Variants in ANKRD33B observed in about 807,000 individuals in gnomAD.
The protein encoded by ANKRD33B is ankyrin repeat domain 33B, also known as ankyrin repeat domain-containing protein 33B.
A neutral mutation model predicts 21.5 loss-of-function variants in ANKRD33B; 6 were observed. The observed-to-expected ratio is 0.28, with a 90% CI of 0.15 to 0.55. ANKRD33B has a LOEUF of 0.55. Among genes scored for constraint, ANKRD33B ranks in the 20% least tolerant of loss-of-function variants. The probability of loss-of-function intolerance (pLI) is 0.94; values close to 1 mark genes in which losing one functional copy is unlikely to be tolerated. For synonymous variants in ANKRD33B, 347 were observed against 342.4 expected (o/e 1.01, Z -0.15); for missense variants, 698 against 747.2 (o/e 0.93, Z 0.77).
At chr5:10,577,545 C>G (rs1438130213) in intron 1 of ANKRD33B, among the ~76,000 whole-genome samples, 1 of 152,202 alleles carries the variant, frequency 6.6e-6, no homozygotes, top group African/African-American at 2.4e-5. Flanking sequence ...TGGTGGATTC[C>G]TGGGTTCTCC....
chr5:10,640,842 G>A lies in ANKRD33B; in HGVS notation c.637+2674G>A, dbSNP rs575176986. 2.2e-4 allele frequency among the ~76,000 whole-genome samples: 34 copies of A among 152,272 alleles called. No homozygotes were observed. In the East Asian group the frequency reaches 4.1e-3, roughly 18 times the overall value. The stretch of plus-strand genomic sequence containing the variant: ...CTGAGAAGTCCAAGATCAAGGTGCC[G>A]GCAGGTTCGATGTCTGCTGATGCCC... On this transcript the variant is annotated intron_variant, in intron 3 of 3. Transcript: ENST00000296657.
intron 2 of ANKRD33B, among the ~76,000 whole-genome samples, chr5:10,623,448 T>C (rs1736469594): frequency 6.6e-6 from 1 of 152,216 alleles, no homozygotes; most frequent in African/African-American, 2.4e-5. Context: ...CTGCTTAGGC[T>C]GTGATAAAGG....
chr5:10,649,327 C>T lies in ANKRD33B; in HGVS notation c.699C>T (p.Tyr233=). The T allele has an allele frequency of 6.5e-7, 1 of 1,534,434 alleles. No homozygotes were observed. The highest frequency in any genetic ancestry group is 8.7e-7 in the Non-Finnish European group (1 of 1,146,382). ...RGMSPQEWAT[Y]TGRVDAVRLM... is the part of the protein sequence containing the mutation. ...TGTCGCCGCAGGAGTGGGCCACTTA[C>T]ACGGGCCGCGTGGATGCCGTCCGTC... The change falls in exon 4 of 4, where the codon TAC becomes TAT. Residue 233 remains tyrosine, a synonymous_variant. Transcript: ENST00000296657.
chr5:10,587,412 A>G (rs1421147470), intron 1 of ANKRD33B, among the ~76,000 whole-genome samples: 1 of 152,098 alleles, frequency 6.6e-6, no homozygotes, highest in African/African-American at 2.4e-5. Flanking sequence ...GATTTTAGTG[A>G]TGTTAAAGAT....
chr5:10,603,526 G>A (rs1735976871), intron 1 of ANKRD33B, among the ~76,000 whole-genome samples: 1 of 152,134 alleles, frequency 6.6e-6, no homozygotes, highest in Non-Finnish European at 1.5e-5. Flanking sequence ...GCCTCCCAAA[G>A]TACTGGGATT....
In ANKRD33B at chr5:10,638,018, C is replaced by G. The variant is rs1468497360; in HGVS notation, c.497-10C>G. 5.9e-6 allele frequency: 9 copies of G among 1,537,080 alleles called. No homozygotes were observed. Among genetic ancestry groups the G allele is most frequent in the Non-Finnish European group, 7.0e-6 (8 of 1,146,788 alleles). On this transcript the variant is annotated splice_polypyrimidine_tract_variant and intron_variant, in intron 2 of 3. Coordinates refer to ENST00000296657, the MANE Select transcript of ANKRD33B (RefSeq NM_001164440.2). ...TGGGAACCAATACACGTGTACACTT[C>G]TCTTTACAGGGCACGCTATCATCAC... is the stretch of plus-strand genomic sequence containing the variant.
In ANKRD33B at chr5:10,656,592, G is replaced by A. The variant is rs970448641; in HGVS notation, c.*6479G>A. 3.3e-5 allele frequency: 5 copies of A among 152,312 alleles called. No homozygotes were observed. Among genetic ancestry groups the A allele is most frequent in the African/African-American group, 1.2e-4 (5 of 41,456 alleles). 9.4% of individuals were successfully genotyped at this position (152,312 alleles called of 1,614,324 possible). On this transcript the variant is annotated 3_prime_UTR_variant, in exon 4 of 4. Transcript: ENST00000296657. ...TACTCAGTGGGGTCTCACATGGCCC[G>A]AGGACCCACTGTGAGCACTCCGCCC...
intron 1 of ANKRD33B, among the ~76,000 whole-genome samples, chr5:10,610,617 A>G (rs1391057012): frequency 6.6e-6 from 1 of 152,274 alleles, no homozygotes; most frequent in Non-Finnish European, 1.5e-5. Context: ...CAGAGACACT[A>G]TAGCAGTCAC....
intron 3 of ANKRD33B, among the ~76,000 whole-genome samples, chr5:10,643,180 G>A (rs978341382): frequency 6.6e-6 from 1 of 152,126 alleles, no homozygotes; most frequent in African/African-American, 2.4e-5. Context: ...TGGGATTACA[G>A]GTGTGAGCCA....
chr5:10,576,429 A>G lies in ANKRD33B; in HGVS notation c.366+11596A>G, dbSNP rs1260865004. ...TTCAAGGTCCTGAGATGATTTGCAC[A>G]TACATTTAAGTTTCAGGAGTTCTAG... On this transcript the variant is annotated intron_variant, in intron 1 of 3. Coordinates refer to ENST00000296657, the MANE Select transcript of ANKRD33B (RefSeq NM_001164440.2). The surrounding 1 kb of genome is among the most constrained non-coding windows in gnomAD (Gnocchi z 4.1). Among the ~76,000 whole-genome samples, 1 of 152,178 alleles carries G rather than the reference A, an allele frequency of 6.6e-6. No homozygotes were observed. Among genetic ancestry groups the G allele is most frequent in the Non-Finnish European group, 1.5e-5 (1 of 68,034 alleles).
intron 1 of ANKRD33B, among the ~76,000 whole-genome samples, chr5:10,602,149 C>T (rs888483072): frequency 1.3e-5 from 2 of 152,274 alleles, no homozygotes; most frequent in Non-Finnish European, 2.9e-5. Flanking sequence ...GGTGACTGAG[C>T]AACCTCGGTG....
At chr5:10,601,149 T>C (rs1735920317) in intron 1 of ANKRD33B, among the ~76,000 whole-genome samples, 1 of 152,062 alleles carries the variant, frequency 6.6e-6, no homozygotes, top group Non-Finnish European at 1.5e-5. Flanking sequence ...GGCATATATT[T>C]AAAGAATATT....
intron 1 of ANKRD33B, among the ~76,000 whole-genome samples, chr5:10,577,109 T>C (rs71599538): frequency 2.7e-5 from 4 of 149,982 alleles, no homozygotes; most frequent in African/African-American, 7.5e-5. Context: ...CCTTCCCCTT[T>C]CCCTTCCCCT....
chr5:10,622,899 C>T (rs1736455084), intron 2 of ANKRD33B, among the ~76,000 whole-genome samples: 1 of 150,202 alleles, frequency 6.7e-6, no homozygotes, highest in African/African-American at 2.5e-5. Flanking sequence ...CACAGGTCCT[C>T]TTGGAGATTG....
At chr5:10,583,356 C>G (rs1048507509) in intron 1 of ANKRD33B, among the ~76,000 whole-genome samples, 6 of 152,190 alleles carry the variant, frequency 3.9e-5, no homozygotes, top group Non-Finnish European at 8.8e-5. Flanking sequence ...GTTACATATA[C>G]TATTTTGAAA....
chr5:10,640,422 G>C (rs1480742298), intron 3 of ANKRD33B, among the ~76,000 whole-genome samples: 1 of 152,180 alleles, frequency 6.6e-6, no homozygotes, highest in African/African-American at 2.4e-5. Context: ...AGGCTATCCA[G>C]CTTCAATGAG....
At chr5:10,614,804 T>C (rs1736248240) in intron 1 of ANKRD33B, among the ~76,000 whole-genome samples, 1 of 152,102 alleles carries the variant, frequency 6.6e-6, no homozygotes, top group African/African-American at 2.4e-5. Flanking sequence ...GGAGAATTGC[T>C]TGAACCCAGG....
rs201803862 is a variant in ANKRD33B, at chr5:10,630,669, A to AT, written c.497-7354dup. Among the ~76,000 whole-genome samples, 1,061 of 152,244 alleles carry AT rather than the reference A, an allele frequency of 7.0e-3. 17 individuals carry two copies. The highest frequency in any genetic ancestry group is 0.024 in the African/African-American group (991 of 41,560). On this transcript the variant is annotated intron_variant, in intron 2 of 3. Coordinates refer to ENST00000296657, the MANE Select transcript of ANKRD33B (RefSeq NM_001164440.2). The stretch of plus-strand genomic sequence containing the variant: ...CCCAAAAATGCAGGAGGAATTTTCC[A>AT]TTTTTCTGCTTAGGTTCAACAAAGT...
Position 10,564,569 on chromosome 5 carries a change from C to T in ANKRD33B, c.102C>T (p.Pro34=). The T allele has an allele frequency of 6.5e-7, 1 of 1,534,312 alleles. No homozygotes were observed. The highest frequency in any genetic ancestry group is 1.4e-5 in the African/African-American group (1 of 73,064). The stretch of plus-strand genomic sequence containing the variant: ...GGGGCGCGCAGGTCGAGGAGGACCC[C>T]GCTGACTACGAAGAGTTTGAGGACT... ...PPRGAQVEED[P]ADYEEFEDFS... Residue 34 remains proline, a synonymous_variant, in exon 1 of 4, where the codon CCC becomes CCT. Transcript: ENST00000296657.
Sources: allele counts gnomAD v4.1 joint callset (sites outside exome capture counted in the v4.1 genomes callset), GRCh38; gene constraint gnomAD v4.1.1; non-coding constraint Gnocchi (gnomAD v3.1); transcripts MANE v1.5; gene names NCBI Gene and HGNC (gene_info 2026-07-23, HGNC 2026-07-21).